EPHB4: variants seen among roughly 807,000 people sequenced by gnomAD.
The protein encoded by EPHB4 is EPH receptor B4, also known as ephrin type-B receptor 4.
EPHB4 carries 50 observed loss-of-function variants against 110.6 expected under a neutral mutation model. The ratio of observed to expected loss-of-function variants is 0.45; its 90% CI spans 0.36 to 0.57. The LOEUF (loss-of-function observed/expected upper bound fraction) is 0.57, where lower values mean the gene tolerates loss of function less well. EPHB4 is among the 20% of genes least tolerant of loss of function. The pLI, the probability that EPHB4 is intolerant of heterozygous loss-of-function variation, is 0.00. For synonymous variants in EPHB4, 592 were observed against 578.4 expected (o/e 1.02, Z -0.34); for missense variants, 1,128 against 1,382.1 (o/e 0.82, Z 2.91).
chr7:100,805,127 C>T (rs766877147), intron 16 of EPHB4, 39 bp downstream of exon 16: 22 of 1,596,774 alleles, frequency 1.4e-5, no homozygotes, highest in South Asian at 1.0e-4. Flanking sequence ...CCAGCTGCCC[C>T]GCTCTCCCAG....
chr7:100,806,749 G>C, intron 13 of EPHB4, among the ~76,000 whole-genome samples, 180 bp from the exon 14 acceptor site: 1 of 151,996 alleles, frequency 6.6e-6, no homozygotes, highest in East Asian at 1.9e-4. Flanking sequence ...TTGGCTCACT[G>C]AAACTCCGCC....
chr7:100,813,329 TC>T (rs869110218), intron 10 of EPHB4, 121 bp from the exon 11 acceptor site: 1 of 761,944 alleles, frequency 1.3e-6, no homozygotes, highest in Non-Finnish European at 2.0e-6. Context: ...TTTTTTTTTT[TC>T]CTGAGATGGA....
chr7:100,812,779 T>G lies in EPHB4; in HGVS notation c.2086A>C (p.Met696Leu). Residue 696 changes from methionine to leucine, a missense_variant, in exon 12 of 17, where the codon ATG becomes CTG. Coordinates refer to ENST00000358173, the MANE Select transcript of EPHB4 (RefSeq NM_004444.5). ...AAGGAGTCCAGGGCGCCGTTCTCCA[T>G]GAACTCTGTGAGAATCATGACGGGC... ...SMPVMILTEF[M>L]ENGALDSFLR... 1 of 1,614,074 alleles carries G rather than the reference T, an allele frequency of 6.2e-7. No homozygotes were observed. Among genetic ancestry groups the G allele is most frequent in the Non-Finnish European group, 8.5e-7 (1 of 1,180,036 alleles).
rs188396001 is a variant in EPHB4 at position 100,803,147 on chromosome 7, C to T, written c.*314G>A. On this transcript the variant is annotated 3_prime_UTR_variant, in exon 17 of 17. Coordinates refer to ENST00000358173, the MANE Select transcript of EPHB4 (RefSeq NM_004444.5). ...TCACACTCTCTTTGGTCTGCGGGAA[C>T]GCACCCATCAAGGTGAGGGGGGCAC... is the stretch of plus-strand genomic sequence containing the variant. 6.9e-4 allele frequency: 146 copies of T among 211,152 alleles called. No homozygotes were observed. Among genetic ancestry groups the T allele is most frequent in the African/African-American group, 3.0e-3 (133 of 43,884 alleles). 13.1% of individuals were successfully genotyped at this position (211,152 alleles called of 1,614,324 possible).
Position 100,805,701 on chromosome 7 carries a change from A to G in EPHB4, c.2485-7T>C, listed in dbSNP as rs917034029. 2.7e-6 allele frequency: 4 copies of G among 1,460,652 alleles called. No homozygotes were observed. The highest frequency in any genetic ancestry group is 2.6e-5 in the Admixed American group (1 of 38,340). The allele number at this position is 1,460,652 out of a possible 1,614,324, so 90.5% of individuals were successfully genotyped here. ...GTTCAATGGCATTGATCACCTGGAA[A>G]GAGGGGAAGAAGCTCTGGGTGAGGC... On this transcript the variant is annotated splice_polypyrimidine_tract_variant and splice_region_variant and intron_variant, in intron 14 of 16. Coordinates refer to ENST00000358173, the MANE Select transcript of EPHB4 (RefSeq NM_004444.5).
intron 8 of EPHB4, among the ~76,000 whole-genome samples, chr7:100,814,420 GGTGT>G (rs1353609978): frequency 5.9e-5 from 9 of 152,160 alleles, no homozygotes; most frequent in Non-Finnish European, 1.2e-4. Flanking sequence ...TGGGATTACA[GGTGT>G]GTACCACCAT....
rs536270994 is a variant in EPHB4, at chr7:100,822,327, G to A, written c.752C>T (p.Thr251Met). 57 of 1,567,188 alleles carry A rather than the reference G, an allele frequency of 3.6e-5. No individual in the cohort carries two copies. The highest frequency in any genetic ancestry group is 5.5e-5 in the Admixed American group (3 of 54,668). The change falls in exon 4 of 17, where the codon ACG becomes ATG. Residue 251 changes from threonine to methionine, a missense_variant. This residue lies in a region of EPHB4 where 728 missense variants were observed against 828.6 expected (regional missense o/e 0.88). Coordinates refer to ENST00000358173, the MANE Select transcript of EPHB4 (RefSeq NM_004444.5). This position sits in a 1 kb window ranked among gnomAD's most constrained non-coding sequence, Gnocchi z 4.7. ...EDGQWAEQPV[T>M]GCSCAPGFEA... is the part of the protein sequence containing the mutation. ...GAACCCCGGAGCACAGCTGCAGCCC[G>A]TGACCGGCTGTTCGGCCCACTGGCC...
chr7:100,812,467 T>C (rs560406216), intron 12 of EPHB4, among the ~76,000 whole-genome samples: 2 of 152,112 alleles, frequency 1.3e-5, no homozygotes, highest in South Asian at 2.1e-4. Context: ...TGCATGCCTA[T>C]AGTACCAGCT....
In EPHB4 at chr7:100,814,035, G is replaced by T; in HGVS notation, c.1589-14C>A. 6.2e-7 allele frequency: 1 copy of T among 1,613,228 alleles called. No individual in the cohort carries two copies. The highest frequency in any genetic ancestry group is 8.5e-7 in the Non-Finnish European group (1 of 1,179,720). ...AGCCCTCGCTCTCTGCGGAAGGAAA[G>T]GCTGCTGATCAGGAGAAACTGATGG... is the stretch of plus-strand genomic sequence containing the variant. On this transcript the variant is annotated splice_polypyrimidine_tract_variant and intron_variant, in intron 8 of 16. Coordinates refer to ENST00000358173, the MANE Select transcript of EPHB4 (RefSeq NM_004444.5).
intron 6 of EPHB4, 75 bp from the exon 7 acceptor site, chr7:100,818,719 T>G: frequency 6.7e-7 from 1 of 1,489,396 alleles, no homozygotes; most frequent in Non-Finnish European, 8.9e-7. Context: ...ATTTTTTTTT[T>G]CGAGACGGAG....
chr7:100,817,247 A>G lies in EPHB4; in HGVS notation c.1533T>C (p.Ser511=), dbSNP rs1424228754. Residue 511 remains serine (S), a synonymous_variant, in exon 8 of 17, where the codon TCT becomes TCC. Transcript: ENST00000358173. ...ASYLVQVRAR[S]EAGYGPFGQE... is the part of the protein sequence containing the mutation. ...GGCCGAAGGGCCCGTAGCCGGCCTC[A>G]GAGCGCGCCCGTACCTGCACCAGGT... 5 of 1,603,198 alleles carry G rather than the reference A, an allele frequency of 3.1e-6. No individual in the cohort carries two copies. In the African/African-American group the frequency reaches 5.4e-5, roughly 17 times the overall value.
rs1294620152 is a variant in EPHB4, at chr7:100,803,349, C to G, written c.*112G>C. 1 of 1,295,330 alleles carries G rather than the reference C, an allele frequency of 7.7e-7. No homozygotes were observed. Among genetic ancestry groups the G allele is most frequent in the Non-Finnish European group, 1.0e-6 (1 of 993,740 alleles). 80.2% of individuals were successfully genotyped at this position (1,295,330 alleles called of 1,614,324 possible). A position where few individuals can be genotyped will look rare whatever the true frequency, so the allele number is the denominator to read the frequency against. On this transcript the variant is annotated 3_prime_UTR_variant, in exon 17 of 17. Coordinates refer to ENST00000358173, the MANE Select transcript of EPHB4 (RefSeq NM_004444.5). The stretch of plus-strand genomic sequence containing the variant: ...TCTCCAAATTGCCAACTCCTCACCC[C>G]ACGGGCTCAAAGTGCAATCCAGCGG...
intron 12 of EPHB4, among the ~76,000 whole-genome samples, chr7:100,811,494 G>A (rs150798596): frequency 1.5e-4 from 23 of 152,186 alleles, no homozygotes; most frequent in African/African-American, 5.5e-4. Context: ...GAGAAATCCA[G>A]TTTGCCGTGT....
In EPHB4 at chr7:100,813,314, T is replaced by TTG. The variant is rs1812989473; in HGVS notation, c.1757-107_1757-106insCA. The TTG allele has an allele frequency of 1.3e-5, 11 of 864,124 alleles. No individual in the cohort carries two copies. In the East Asian group the frequency reaches 3.0e-4, roughly 24 times the overall value. 53.5% of individuals were successfully genotyped at this position (864,124 alleles called of 1,614,324 possible). A position where few individuals can be genotyped will look rare whatever the true frequency, so the allele number is the denominator to read the frequency against. On this transcript the variant is annotated intron_variant, in intron 10 of 16. Transcript: ENST00000358173. ...AAACCCCTGTCTCCGTGGTTTTTTT[T>TTG]TTTTTTTTTTTTTTTCCTGAGATGG... is the stretch of plus-strand genomic sequence containing the variant.
At chr7:100,807,760 C>T (rs1438633971) in intron 12 of EPHB4, among the ~76,000 whole-genome samples, 180 bp from the exon 13 acceptor site, 1 of 152,012 alleles carries the variant, frequency 6.6e-6, no homozygotes, top group Non-Finnish European at 1.5e-5. Flanking sequence ...TCCTGAGTAG[C>T]TGGAACAATA....
Position 100,813,187 on chromosome 7 carries a change from G to A in EPHB4, c.1778C>T (p.Pro593Leu). ...CTCATTAGGGTCTTCATAAGTGAAG[G>A]GGTCGATGTAGACCTTAGTACCTGA... ...IGHGTKVYID[P>L]FTYEDPNEAV... Residue 593 changes from proline to leucine, a missense_variant, in exon 11 of 17, where the codon CCC becomes CTC. Physicochemically the swap from Pro to Leu is moderately conservative, Grantham distance 98. Coordinates refer to ENST00000358173, the MANE Select transcript of EPHB4 (RefSeq NM_004444.5). 1 of 1,605,086 alleles carries A rather than the reference G, an allele frequency of 6.2e-7. No individual in the cohort carries two copies. Among genetic ancestry groups the A allele is most frequent in the Non-Finnish European group, 8.5e-7 (1 of 1,179,970 alleles).
chr7:100,803,791 T>TAGGGCTGGAGGCCAGAGGC (rs1812753515), intron 16 of EPHB4, among the ~76,000 whole-genome samples: 1 of 150,722 alleles, frequency 6.6e-6, no homozygotes, highest in Admixed American at 6.6e-5. Flanking sequence ...CAGAAGGGGG[T>TAGGGCTGGAGGCCAGAGGC]AGGGCTGGAG....
chr7:100,804,147 C>A (rs556865894), intron 16 of EPHB4, among the ~76,000 whole-genome samples: 1 of 152,182 alleles, frequency 6.6e-6, no homozygotes, highest in East Asian at 1.9e-4. Context: ...CAGGCACGCA[C>A]CACCATGCCC....
chr7:100,820,354 G>C lies in EPHB4; in HGVS notation c.809-58C>G, dbSNP rs1813194766. Reference sequence around the variant, plus strand: ...CACAAAAACATCCATCTGCACGGTGGGCTCGGTGGCTCATGCCTCGAATCC... The same window carrying C: ...CACAAAAACATCCATCTGCACGGTGCGCTCGGTGGCTCATGCCTCGAATCC... On this transcript the variant is annotated intron_variant, in intron 4 of 16. Coordinates refer to ENST00000358173, the MANE Select transcript of EPHB4 (RefSeq NM_004444.5). 5 of 1,556,418 alleles carry C rather than the reference G, an allele frequency of 3.2e-6. No homozygotes were observed. The East Asian group carries it at 1.1e-4, about 36-fold the overall frequency.
Sources: allele counts gnomAD v4.1 joint callset (sites outside exome capture counted in the v4.1 genomes callset), GRCh38; gene constraint gnomAD v4.1.1; regional missense constraint gnomAD v4.1.1; non-coding constraint Gnocchi (gnomAD v3.1); transcripts MANE v1.5; gene names NCBI Gene and HGNC (gene_info 2026-07-23, HGNC 2026-07-21).